The following FAH variants were observed in gnomAD, a reference collection of about 807,000 sequenced individuals.
FAH encodes the protein fumarylacetoacetase.
FAH carries 47 observed loss-of-function variants against 55.8 expected under a neutral mutation model. The observed-to-expected ratio is 0.84, with a 90% CI of 0.67 to 1.07. The LOEUF (loss-of-function observed/expected upper bound fraction) is 1.07. Ranked by LOEUF, FAH falls within the 50% of genes least tolerant of loss-of-function variation. FAH has a pLI of 0.00. For missense variants in FAH, 495 were observed against 545.9 expected (o/e 0.91, Z 0.93); for synonymous variants, 199 against 207.7 (o/e 0.96, Z 0.36).
intron 1 of FAH, chr15:80,155,952 A>T: frequency 2.1e-6 from 1 of 477,952 alleles, no homozygotes; most frequent in Non-Finnish European, 4.1e-6. Context: ...GTACAGGAGG[A>T]ACATGAAAGT....
At chr15:80,186,024 T>A in intron 13 of FAH, 106 bp from the exon 14 acceptor site, 1 of 859,356 alleles carries the variant, frequency 1.2e-6, no homozygotes, top group South Asian at 1.3e-5. Context: ...GATGGCACCT[T>A]CCTGCCTCGG....
intron 1 of FAH, 35 bp downstream of exon 1, chr15:80,153,170 A>AC (rs534453827): frequency 7.1e-7 from 1 of 1,402,614 alleles, no homozygotes; most frequent in African/African-American, 2.2e-5. Context: ...GGGCGCGGGG[A>AC]GGGAGTGGAG....
chr15:80,160,636 C>T (rs987616269), intron 4 of FAH, 177 bp downstream of exon 4: 17 of 708,120 alleles, frequency 2.4e-5, no homozygotes, highest in Admixed American at 4.0e-5. Flanking sequence ...CATCCAGGCC[C>T]GGCATTCACT....
At chr15:80,177,696 C>T (rs547686091) in intron 11 of FAH, 113 bp downstream of exon 11, 2 of 1,020,500 alleles carry the variant, frequency 2.0e-6, no homozygotes. Context: ...ATGGGTCAGC[C>T]TGTGGGCCTG....
chr15:80,175,516 C>T (rs1247130580), intron 10 of FAH, among the ~76,000 whole-genome samples: 1 of 152,146 alleles, frequency 6.6e-6, no homozygotes, highest in Non-Finnish European at 1.5e-5. Flanking sequence ...CCCCTGGGGC[C>T]ACACAGAGCC....
chr15:80,166,483 T>C (rs1567116859), intron 5 of FAH: 1 of 151,934 alleles, frequency 6.6e-6, no homozygotes, highest in Non-Finnish European at 1.5e-5. Context: ...CCAGTTTATA[T>C]ATACAGTCAT....
intron 3 of FAH, 177 bp downstream of exon 3, chr15:80,160,054 G>T: frequency 1.1e-6 from 1 of 906,988 alleles, no homozygotes; most frequent in Non-Finnish European, 1.7e-6. Flanking sequence ...TGGGAGGACT[G>T]GGATTGCCTT....
intron 3 of FAH, 116 bp downstream of exon 3, chr15:80,159,993 G>A: frequency 1.5e-6 from 2 of 1,360,972 alleles, no homozygotes; most frequent in Non-Finnish European, 2.0e-6. Context: ...GGCCAAGTCA[G>A]ACCTGCCCTC....
At chr15:80,158,887 A>G (rs969590740) in intron 2 of FAH, among the ~76,000 whole-genome samples, 1 of 151,872 alleles carries the variant, frequency 6.6e-6, no homozygotes, top group Non-Finnish European at 1.5e-5. Context: ...TGGAACTCTG[A>G]CTCTTAGAAC....
intron 12 of FAH, among the ~76,000 whole-genome samples, chr15:80,180,663 C>T (rs2041323482): frequency 6.6e-6 from 1 of 152,172 alleles, no homozygotes; most frequent in African/African-American, 2.4e-5. Flanking sequence ...TCACTTCCTG[C>T]AGGGGGCTGG....
chr15:80,182,370 A>G lies in FAH; in HGVS notation c.1180+1211A>G, dbSNP rs571207374. ...TCCACTCCAGAGCTCTTGGAGAGCAAAGTTTAGTCCAAGTAGCAGCCACAT... is the reference window on the plus strand; with the variant it reads ...TCCACTCCAGAGCTCTTGGAGAGCAGAGTTTAGTCCAAGTAGCAGCCACAT... On this transcript the variant is annotated intron_variant, in intron 13 of 13. Coordinates refer to ENST00000561421, the MANE Select transcript of FAH (RefSeq NM_000137.4). 5.3e-5 allele frequency among the ~76,000 whole-genome samples: 8 copies of G among 152,292 alleles called. No individual in the cohort carries two copies. In the South Asian group the frequency reaches 6.2e-4, roughly 12 times the overall value.
chr15:80,186,581 G>C, downstream of FAH: 1 of 322,150 alleles, frequency 3.1e-6, no homozygotes, highest in Non-Finnish European at 6.0e-6. Flanking sequence ...CAAGGAGAAA[G>C]AGATCGATTT....
At chr15:80,178,016 A>T (rs1432424824) in intron 11 of FAH, among the ~76,000 whole-genome samples, 1 of 152,146 alleles carries the variant, frequency 6.6e-6, no homozygotes, top group Non-Finnish European at 1.5e-5. Flanking sequence ...CCTGGGCAAC[A>T]TAATGAGACC....
chr15:80,172,282 C>A, intron 8 of FAH, 34 bp downstream of exon 8: 1 of 1,509,038 alleles, frequency 6.6e-7, no homozygotes, highest in Non-Finnish European at 9.2e-7. Context: ...GTAGAGATGA[C>A]GGGGAGGAGG....
At chr15:80,174,315 A>G (rs113659890) in intron 9 of FAH, among the ~76,000 whole-genome samples, 227 of 152,280 alleles carry the variant, frequency 1.5e-3, no homozygotes, top group African/African-American at 4.4e-3. Flanking sequence ...CCCTTCCCCA[A>G]CACCATTTAG....
intron 10 of FAH, 175 bp from the exon 11 acceptor site, chr15:80,177,362 A>G (rs572108201): frequency 4.6e-6 from 3 of 649,904 alleles, no homozygotes; most frequent in Admixed American, 2.3e-5. Flanking sequence ...GTGTGCATGT[A>G]TTGGCCAACC....
At chr15:80,172,691 G>A (rs754101742) in intron 8 of FAH, among the ~76,000 whole-genome samples, 1 of 152,202 alleles carries the variant, frequency 6.6e-6, no homozygotes, top group Non-Finnish European at 1.5e-5. Context: ...TTTGCCATAC[G>A]TGGGAGGAAG....
chr15:80,170,770 T>C (rs1313863117), intron 7 of FAH, among the ~76,000 whole-genome samples: 1 of 152,258 alleles, frequency 6.6e-6, no homozygotes, highest in Non-Finnish European at 1.5e-5. Flanking sequence ...GTTCTTTTTT[T>C]CATCTTGATG....
intron 5 of FAH, among the ~76,000 whole-genome samples, chr15:80,165,194 C>T (rs576207402): frequency 2.0e-5 from 3 of 152,168 alleles, no homozygotes; most frequent in East Asian, 3.9e-4. Flanking sequence ...AGTTTGAGAC[C>T]AGCCTGGCCA....
Sources: gnomAD v4.1 joint callset for allele counts (sites outside exome capture counted in the v4.1 genomes callset) on GRCh38, gnomAD v4.1.1 for gene constraint, MANE v1.5 for transcripts, NCBI Gene and HGNC (gene_info 2026-07-23, HGNC 2026-07-21) for gene names.